NFIA: variants seen among roughly 807,000 people sequenced by gnomAD.
NFIA encodes the protein nuclear factor 1 A-type.
In NFIA, 8 loss-of-function variants were observed where a neutral mutation model predicts 62.8. The ratio of observed to expected loss-of-function variants is 0.13; its 90% CI spans 0.07 to 0.23. The LOEUF (loss-of-function observed/expected upper bound fraction) is 0.23, where lower values mean the gene tolerates loss of function less well. NFIA is among the 10% of genes least tolerant of loss of function. NFIA has a pLI of 1.00. For synonymous variants in NFIA, 235 were observed against 238.1 expected, an observed-to-expected ratio of 0.99 and a Z score of 0.12; for missense variants, 410 against 642.1, an observed-to-expected ratio of 0.64 and a Z score of 3.91.
Position 61,088,261 on chromosome 1 carries a change from G to A in NFIA, c.140G>A (p.Arg47His). The change falls in exon 2 of 11, where the codon CGT becomes CAT. Residue 47 changes from arginine (R) to histidine (H), a missense_variant. By Grantham distance (29) the Arg-to-His change is conservative (BLOSUM62 0). Around this residue, in one of 3 missense-constraint regions of NFIA, gnomAD observed 86 missense variants for 124.6 expected, o/e 0.69. Transcript: ENST00000403491. The surrounding 1 kb of genome is among the most constrained non-coding windows in gnomAD (Gnocchi z 4.5). ...KRKYFKKHEK[R>H]MSKEEERAVK... is the part of the protein sequence containing the mutation. ...AAATACTTCAAAAAACATGAAAAGC[G>A]TATGTCAAAAGAAGAAGAGAGAGCC... The A allele has an allele frequency of 1.2e-6, 2 of 1,613,534 alleles. No homozygotes were observed. Among genetic ancestry groups the A allele is most frequent in the Non-Finnish European group, 1.7e-6 (2 of 1,179,926 alleles).
chr1:61,174,806 G>A (rs993156550), intron 2 of NFIA, among the ~76,000 whole-genome samples: 5 of 152,142 alleles, frequency 3.3e-5, no homozygotes, highest in East Asian at 1.9e-4. Context: ...TCTTTGAGAC[G>A]TTTAGCTTGA....
chr1:61,131,700 G>GCTA (rs2100490689), intron 2 of NFIA, among the ~76,000 whole-genome samples: 1 of 152,200 alleles, frequency 6.6e-6, no homozygotes, highest in East Asian at 1.9e-4. Flanking sequence ...ATGTGAACAG[G>GCTA]CTACTCTATG....
rs1557762928 is a variant in NFIA at position 61,406,630 on chromosome 1, G to GCCACCA, written c.1326_1331dup (p.Pro443_Pro444dup). 1.5e-6 allele frequency: 2 copies of GCCACCA among 1,342,762 alleles called. No individual in the cohort carries two copies. Among genetic ancestry groups the GCCACCA allele is most frequent in the Non-Finnish European group, 2.0e-6 (2 of 1,019,734 alleles). The allele number at this position is 1,342,762 out of a possible 1,614,324, so 83.2% of individuals were successfully genotyped here. A position where few individuals can be genotyped will look rare whatever the true frequency, so the allele number is the denominator to read the frequency against. On this transcript the variant is annotated inframe_insertion, in exon 9 of 11. Transcript: ENST00000403491. ...CCACCCCAATGTTGCCACCGCCACC[G>GCCACCA]CCACCACCGATGGCCAGGCCTGTGC...
chr1:61,116,223 T>C (rs1646791316), intron 2 of NFIA, among the ~76,000 whole-genome samples: 2 of 152,150 alleles, frequency 1.3e-5, no homozygotes, highest in Admixed American at 6.5e-5. Context: ...CTTAGGAATT[T>C]GAGGAAGCCC....
intron 3 of NFIA, among the ~76,000 whole-genome samples, chr1:61,314,162 C>A (rs890809006): frequency 6.6e-6 from 1 of 152,160 alleles, no homozygotes; most frequent in Non-Finnish European, 1.5e-5. Context: ...CTTGTATAGG[C>A]CATCACTGCT....
chr1:61,242,407 AG>A (rs1478970207), intron 2 of NFIA, among the ~76,000 whole-genome samples: 2 of 152,170 alleles, frequency 1.3e-5, no homozygotes, highest in African/African-American at 4.8e-5. Flanking sequence ...TAATAAGGGA[AG>A]ATAGTTTGAA....
At chr1:61,090,433 G>C (rs1307263921) in intron 2 of NFIA, among the ~76,000 whole-genome samples, 1 of 152,106 alleles carries the variant, frequency 6.6e-6, no homozygotes, top group Non-Finnish European at 1.5e-5. Context: ...GTTTTTGTCG[G>C]TGTAAGCAGT....
intron 2 of NFIA, among the ~76,000 whole-genome samples, chr1:61,136,363 T>C (rs1220188634): frequency 1.3e-5 from 2 of 152,106 alleles, no homozygotes; most frequent in Non-Finnish European, 2.9e-5. Context: ...CAGCATGGAG[T>C]GTAAGAAGAA....
At chr1:61,275,090 A>G (rs1475667328) in intron 2 of NFIA, among the ~76,000 whole-genome samples, 1 of 152,218 alleles carries the variant, frequency 6.6e-6, no homozygotes, top group Non-Finnish European at 1.5e-5. Context: ...GAATAAAACT[A>G]GAAAAATTAA....
intron 3 of NFIA, among the ~76,000 whole-genome samples, chr1:61,324,071 C>T (rs1003170925): frequency 1.5e-4 from 23 of 152,124 alleles, no homozygotes; most frequent in Non-Finnish European, 2.5e-4. Flanking sequence ...GGAAGATTAA[C>T]GAGCCACATT....
upstream of NFIA, chr1:61,082,506 C>CT: frequency 8.0e-7 from 1 of 1,247,300 alleles, no homozygotes; most frequent in Non-Finnish European, 1.0e-6. Flanking sequence ...TGCGCTATGC[C>CT]TTTAACACCC....
intron 3 of NFIA, among the ~76,000 whole-genome samples, chr1:61,301,962 C>G (rs773987626): frequency 1.3e-5 from 2 of 152,212 alleles, no homozygotes; most frequent in Non-Finnish European, 2.9e-5. Flanking sequence ...TCCTTTGAGT[C>G]TCATCCATAG....
chr1:61,313,967 C>G (rs1341166944), intron 3 of NFIA, among the ~76,000 whole-genome samples: 1 of 152,196 alleles, frequency 6.6e-6, no homozygotes, highest in Non-Finnish European at 1.5e-5. Context: ...TAGCACCTAC[C>G]TCATAACACT....
intron 2 of NFIA, among the ~76,000 whole-genome samples, chr1:61,217,961 A>G (rs1435907311): frequency 6.6e-6 from 1 of 152,224 alleles, no homozygotes; most frequent in African/African-American, 2.4e-5. Flanking sequence ...GGTAATGCCT[A>G]AAAGTGTTTA....
chr1:61,235,989 A>C (rs755748452), intron 2 of NFIA, among the ~76,000 whole-genome samples: 9 of 152,066 alleles, frequency 5.9e-5, no homozygotes, highest in Non-Finnish European at 1.2e-4. Context: ...GTGGGGAATG[A>C]TATGTTATTT....
chr1:61,342,154 G>GA (rs1177462808), intron 4 of NFIA, among the ~76,000 whole-genome samples: 1 of 150,308 alleles, frequency 6.7e-6, no homozygotes, highest in Non-Finnish European at 1.5e-5. Context: ...AGGTGGAGGA[G>GA]AAAAAAAATG....
intron 2 of NFIA, among the ~76,000 whole-genome samples, chr1:61,138,956 G>A (rs140600921): frequency 0.023 from 3,524 of 151,870 alleles, 63 homozygotes; most frequent in Non-Finnish European, 0.038. Flanking sequence ...TTGGGAGGCC[G>A]AGGTAGGCAG....
chr1:61,205,655 GTTAAAAA>G (rs1196799982), intron 2 of NFIA, among the ~76,000 whole-genome samples: 1 of 152,104 alleles, frequency 6.6e-6, no homozygotes, highest in East Asian at 1.9e-4. Context: ...GCATAAATAT[GTTAAAAA>G]GTGAAAGTAG....
At chr1:61,261,709 A>G (rs1656784772) in intron 2 of NFIA, among the ~76,000 whole-genome samples, 1 of 152,240 alleles carries the variant, frequency 6.6e-6, no homozygotes, top group East Asian at 1.9e-4. Context: ...GCCTAATGTA[A>G]GGTACAGCCA....
Sources: gnomAD v4.1 joint callset for allele counts (sites outside exome capture counted in the v4.1 genomes callset) on GRCh38, gnomAD v4.1.1 for gene constraint, gnomAD v4.1.1 regional missense constraint, Gnocchi (gnomAD v3.1) non-coding constraint, MANE v1.5 for transcripts, NCBI Gene and HGNC (gene_info 2026-07-23, HGNC 2026-07-21) for gene names.